DIAPH3: variants seen among roughly 807,000 people sequenced by gnomAD.
DIAPH3 encodes protein diaphanous homolog 3.
Under a neutral mutation model 144.3 loss-of-function variants are expected in DIAPH3, and 117 were observed. The ratio of observed to expected loss-of-function variants is 0.81; its 90% CI spans 0.70 to 0.95. The LOEUF is 0.95. Ranked by LOEUF, DIAPH3 falls within the 40% of genes least tolerant of loss-of-function variation. The pLI is 0.00. For synonymous variants in DIAPH3, 519 were observed against 488.9 expected (o/e 1.06, Z -0.81); for missense variants, 1,421 against 1,412.7 (o/e 1.01, Z -0.09).
intron 20 of DIAPH3, among the ~76,000 whole-genome samples, chr13:59,908,774 T>G (rs1178517023): frequency 6.6e-6 from 1 of 152,190 alleles, no homozygotes; most frequent in East Asian, 1.9e-4. Flanking sequence ...TTTAACTAAT[T>G]TTTGTTCAAA....
chr13:59,798,412 G>A (rs540840999), intron 25 of DIAPH3, among the ~76,000 whole-genome samples: 175 of 152,214 alleles, frequency 1.1e-3, no homozygotes, highest in African/African-American at 4.1e-3. Flanking sequence ...TCTGCCCATA[G>A]TTCTACCCAA....
intron 2 of DIAPH3, among the ~76,000 whole-genome samples, chr13:60,118,813 A>G (rs943668391): frequency 1.3e-5 from 2 of 152,206 alleles, no homozygotes; most frequent in Non-Finnish European, 2.9e-5. Context: ...AAATAAAAGT[A>G]CTATTCACTC....
chr13:59,755,767 T>C (rs2037224486), intron 27 of DIAPH3, among the ~76,000 whole-genome samples: 1 of 152,158 alleles, frequency 6.6e-6, no homozygotes. Flanking sequence ...AGGCTCCATA[T>C]TGGAGCCATT....
intron 2 of DIAPH3, among the ~76,000 whole-genome samples, chr13:60,117,854 A>ATG (rs996407250): frequency 7.2e-5 from 11 of 152,134 alleles, no homozygotes; most frequent in African/African-American, 2.7e-4. Context: ...GGGGTTGTTT[A>ATG]TGTGTGTGTA....
intron 5 of DIAPH3, among the ~76,000 whole-genome samples, chr13:60,021,493 G>A (rs999863289): frequency 6.6e-6 from 1 of 152,082 alleles, no homozygotes; most frequent in East Asian, 1.9e-4. Flanking sequence ...GTGTGGTGGT[G>A]AGTGCCTGTA....
At chr13:59,888,700 C>G (rs2045602833) in intron 20 of DIAPH3, among the ~76,000 whole-genome samples, 1 of 152,004 alleles carries the variant, frequency 6.6e-6, no homozygotes, top group African/African-American at 2.4e-5. Context: ...TTTTGTAGAT[C>G]TGAGTTTCCA....
chr13:60,157,507 T>G (rs1952088779), intron 1 of DIAPH3, among the ~76,000 whole-genome samples: 1 of 152,238 alleles, frequency 6.6e-6, no homozygotes, highest in Non-Finnish European at 1.5e-5. Context: ...GTGAGCATAT[T>G]TCATTTATAT....
intron 27 of DIAPH3, among the ~76,000 whole-genome samples, chr13:59,676,671 C>A (rs1388401499): frequency 2.0e-5 from 3 of 152,108 alleles, no homozygotes; most frequent in Non-Finnish European, 4.4e-5. Context: ...GTTCAAAATT[C>A]TGGGGAAAAG....
At chr13:59,791,669 G>A (rs984113828) in intron 25 of DIAPH3, among the ~76,000 whole-genome samples, 4 of 152,102 alleles carry the variant, frequency 2.6e-5, no homozygotes, top group Admixed American at 1.3e-4. Flanking sequence ...AGGTGTTTTA[G>A]GAAATGCTTT....
At chr13:60,050,979 A>C (rs1215860112) in intron 4 of DIAPH3, among the ~76,000 whole-genome samples, 1 of 152,154 alleles carries the variant, frequency 6.6e-6, no homozygotes, top group Admixed American at 6.6e-5. Flanking sequence ...TAGATATAAG[A>C]ATGAAAAAAG....
chr13:60,082,666 AT>A (rs2057602141), intron 4 of DIAPH3, among the ~76,000 whole-genome samples: 1 of 152,110 alleles, frequency 6.6e-6, no homozygotes, highest in African/African-American at 2.4e-5. Flanking sequence ...GGCATATACT[AT>A]TACCAACATG....
chr13:59,763,015 G>C (rs1386541113), intron 27 of DIAPH3, among the ~76,000 whole-genome samples: 3 of 152,014 alleles, frequency 2.0e-5, no homozygotes, highest in African/African-American at 7.3e-5. Context: ...AGCCTCCAGA[G>C]TTGTGAGCCA....
At position 59,846,516 on chromosome 13, in the gene DIAPH3, A is replaced by C. The variant is rs554965699; in HGVS notation, c.2738-7068T>G. On this transcript the variant is annotated intron_variant, in intron 22 of 27. Transcript: ENST00000400324. ...TATTTCTTCCTAGACAACTGTAATA[A>C]TAAAAGCATTTTATAAAGCTATAGC... Among the ~76,000 whole-genome samples, 7 of 152,342 alleles carry C rather than the reference A, an allele frequency of 4.6e-5. No individual in the cohort carries two copies. In the East Asian group the frequency reaches 1.4e-3, roughly 29 times the overall value.
intron 1 of DIAPH3, among the ~76,000 whole-genome samples, chr13:60,154,710 T>G (rs1219471237): frequency 6.6e-6 from 1 of 152,194 alleles, no homozygotes; most frequent in African/African-American, 2.4e-5. Context: ...CCTTTGTAGA[T>G]CCTGTTCAAA....
At chr13:60,034,253 G>T (rs185861859) in intron 5 of DIAPH3, among the ~76,000 whole-genome samples, 396 of 152,120 alleles carry the variant, frequency 2.6e-3, no homozygotes, top group South Asian at 8.5e-3. Context: ...AACACATAAG[G>T]TTTACATTCT....
At chr13:59,670,949 G>A (rs2032340508) in intron 27 of DIAPH3, among the ~76,000 whole-genome samples, 1 of 152,126 alleles carries the variant, frequency 6.6e-6, no homozygotes, top group Admixed American at 6.5e-5. Flanking sequence ...ACCCGCCTCA[G>A]CGTCACAAAG....
chr13:60,006,941 C>A (rs1204646959), intron 9 of DIAPH3, among the ~76,000 whole-genome samples: 6 of 152,180 alleles, frequency 3.9e-5, no homozygotes, highest in Non-Finnish European at 8.8e-5. Context: ...TTCAATCCTG[C>A]CTATTCGAAG....
intron 27 of DIAPH3, among the ~76,000 whole-genome samples, chr13:59,757,602 G>C (rs1431292736): frequency 6.6e-6 from 1 of 151,742 alleles, no homozygotes; most frequent in Admixed American, 6.6e-5. Context: ...GGGTTTCACC[G>C]TGTTAGCTAG....
At chr13:59,697,454 T>C (rs1245203252) in intron 27 of DIAPH3, among the ~76,000 whole-genome samples, 2 of 52,660 alleles carry the variant, frequency 3.8e-5, no homozygotes, top group Non-Finnish European at 6.7e-5. Context: ...AGCGAGACAC[T>C]GTCTCAAAAA....
Sources: gnomAD v4.1 joint callset for allele counts (sites outside exome capture counted in the v4.1 genomes callset) on GRCh38, gnomAD v4.1.1 for gene constraint, MANE v1.5 for transcripts, NCBI Gene and HGNC (gene_info 2026-07-23, HGNC 2026-07-21) for gene names.